Variants in PDE1A observed in about 807,000 individuals in gnomAD.
The protein encoded by PDE1A is phosphodiesterase 1A.
PDE1A carries 35 observed loss-of-function variants against 61.7 expected under a neutral mutation model. The observed-to-expected ratio is 0.57, with a 90% CI of 0.43 to 0.75. The LOEUF (loss-of-function observed/expected upper bound fraction) is 0.75. Ranked by LOEUF, PDE1A falls within the 30% of genes least tolerant of loss-of-function variation. The pLI, the probability that PDE1A is intolerant of heterozygous loss-of-function variation, is 0.00. For synonymous variants in PDE1A, 232 were observed against 213.2 expected (o/e 1.09, Z -0.77); for missense variants, 597 against 630.6 (o/e 0.95, Z 0.57).
the PDE1A span, among the ~76,000 whole-genome samples, chr2:182,696,974 C>T: frequency 2.0e-5 from 3 of 152,064 alleles, no homozygotes; most frequent in Admixed American, 6.5e-5. Context: ...ATTTTTATCT[C>T]TCAGTTTTTT....
the PDE1A span, among the ~76,000 whole-genome samples, chr2:182,685,652 T>G: frequency 6.6e-6 from 1 of 152,284 alleles, no homozygotes; most frequent in East Asian, 1.9e-4. Flanking sequence ...CTAAATCTCC[T>G]CTCCTGTCTG....
At chr2:182,199,269 C>A in intron 10 of PDE1A, among the ~76,000 whole-genome samples, 1 of 151,838 alleles carries the variant, frequency 6.6e-6, no homozygotes, top group Non-Finnish European at 1.5e-5. Context: ...CAACTGTTAT[C>A]TTCATTAACT....
the PDE1A span, among the ~76,000 whole-genome samples, chr2:182,623,328 T>C: frequency 4.1e-4 from 63 of 152,212 alleles, no homozygotes; most frequent in African/African-American, 1.5e-3. Context: ...ATAGTACACT[T>C]CTCTAGGATA....
At chr2:182,639,385 T>C in the PDE1A span, among the ~76,000 whole-genome samples, 1 of 152,078 alleles carries the variant, frequency 6.6e-6, no homozygotes, top group Non-Finnish European at 1.5e-5. Context: ...CTGGCCAATG[T>C]GGCGAAAACC....
At chr2:182,715,454 T>C in the PDE1A span, among the ~76,000 whole-genome samples, 1 of 152,204 alleles carries the variant, frequency 6.6e-6, no homozygotes, top group East Asian at 1.9e-4. Flanking sequence ...AAGCTGACAC[T>C]TGATTTACTC....
the PDE1A span, among the ~76,000 whole-genome samples, chr2:182,651,356 G>T: frequency 1.1e-3 from 167 of 152,168 alleles, no homozygotes; most frequent in Admixed American, 3.5e-3. Flanking sequence ...ATCATTTCTG[G>T]CTGCAGTCAT....
chr2:182,463,810 G>A (rs1574721366), intron 2 of PDE1A, among the ~76,000 whole-genome samples: 2 of 152,248 alleles, frequency 1.3e-5, no homozygotes, highest in South Asian at 2.1e-4. Flanking sequence ...CAAATTCAGA[G>A]TTAATTTTCA....
At chr2:182,470,792 C>G (rs1236266002) in intron 2 of PDE1A, among the ~76,000 whole-genome samples, 1 of 151,780 alleles carries the variant, frequency 6.6e-6, no homozygotes, top group African/African-American at 2.4e-5. Context: ...TGAAGAGAAT[C>G]TCAACTGTGT....
At chr2:182,172,219 T>C (rs1692290631) in intron 13 of PDE1A, among the ~76,000 whole-genome samples, 1 of 152,026 alleles carries the variant, frequency 6.6e-6, no homozygotes, top group Non-Finnish European at 1.5e-5. Context: ...TTCCACAAAG[T>C]GGAGCAAACT....
chr2:182,492,377 T>C (rs1249699300), intron 2 of PDE1A, among the ~76,000 whole-genome samples: 1 of 152,226 alleles, frequency 6.6e-6, no homozygotes, highest in Non-Finnish European at 1.5e-5. Context: ...GCTCTAAATA[T>C]GATAGAAGCT....
intron 7 of PDE1A, among the ~76,000 whole-genome samples, chr2:182,220,291 A>G (rs1688610694): frequency 6.6e-6 from 1 of 152,006 alleles, no homozygotes; most frequent in Non-Finnish European, 1.5e-5. Context: ...CACTGTGTGC[A>G]TTTCTAGAAG....
At chr2:182,495,282 G>A (rs927541343) in intron 2 of PDE1A, among the ~76,000 whole-genome samples, 1 of 152,150 alleles carries the variant, frequency 6.6e-6, no homozygotes, top group Non-Finnish European at 1.5e-5. Context: ...AATAAATCCT[G>A]AAATCCTCCC....
chr2:182,164,349 T>C (rs1171524584), downstream of PDE1A, among the ~76,000 whole-genome samples: 1 of 152,120 alleles, frequency 6.6e-6, no homozygotes, highest in African/African-American at 2.4e-5. Flanking sequence ...GTCCAATGGT[T>C]TGGCTGGATG....
At chr2:182,218,165 A>C (rs2125579855) in intron 7 of PDE1A, among the ~76,000 whole-genome samples, 1 of 150,652 alleles carries the variant, frequency 6.6e-6, no homozygotes, top group South Asian at 2.1e-4. Context: ...AAACTATCCC[A>C]AGAACAAAAA....
chr2:182,311,331 T>G (rs1192422870), intron 1 of PDE1A, among the ~76,000 whole-genome samples: 1 of 152,220 alleles, frequency 6.6e-6, no homozygotes, highest in Non-Finnish European at 1.5e-5. Flanking sequence ...TGTGCATAAA[T>G]ATATTTTTTA....
chr2:182,246,927 C>T (rs1029252234), intron 2 of PDE1A, among the ~76,000 whole-genome samples: 9 of 152,154 alleles, frequency 5.9e-5, no homozygotes, highest in Non-Finnish European at 8.8e-5. Context: ...CACTGAATGG[C>T]TATAAAGTGT....
intron 1 of PDE1A, among the ~76,000 whole-genome samples, chr2:182,370,974 T>A (rs1050780561): frequency 6.6e-6 from 1 of 152,024 alleles, no homozygotes; most frequent in Non-Finnish European, 1.5e-5. Context: ...TACCACAAGA[T>A]ACAGCAAAAG....
At chr2:182,666,239 C>T in the PDE1A span, among the ~76,000 whole-genome samples, 4 of 152,104 alleles carry the variant, frequency 2.6e-5, no homozygotes, top group African/African-American at 4.8e-5. Flanking sequence ...TAAAAAATCA[C>T]CCCTCAAAAA....
chr2:182,654,658 T>C, the PDE1A span, among the ~76,000 whole-genome samples: 15 of 152,166 alleles, frequency 9.9e-5, no homozygotes. Context: ...GACATATTTA[T>C]GGCATACACA....
Sources: allele counts gnomAD v4.1 joint callset (sites outside exome capture counted in the v4.1 genomes callset), GRCh38; gene constraint gnomAD v4.1.1; transcripts MANE v1.5; gene names NCBI Gene and HGNC (gene_info 2026-07-23, HGNC 2026-07-21).